PRORP: variants seen among roughly 807,000 people sequenced by gnomAD.
PRORP encodes protein only RNase P catalytic subunit.
A neutral mutation model predicts 59.4 loss-of-function variants in PRORP; 51 were observed. The ratio of observed to expected loss-of-function variants is 0.86; its 90% CI spans 0.69 to 1.08. PRORP has a LOEUF of 1.08. Among genes scored for constraint, PRORP ranks in the 50% least tolerant of loss-of-function variants. The probability of loss-of-function intolerance (pLI) is 0.00; values close to 1 mark genes in which losing one functional copy is unlikely to be tolerated. For missense variants in PRORP, 646 were observed against 690.3 expected, an observed-to-expected ratio of 0.94 and a Z score of 0.72; for synonymous variants, 231 against 245.6, an observed-to-expected ratio of 0.94 and a Z score of 0.55.
chr14:35,228,803 T>TG (rs1409340869), intron 5 of PRORP, among the ~76,000 whole-genome samples: 1 of 152,186 alleles, frequency 6.6e-6, no homozygotes. Context: ...AATGATTTTA[T>TG]TTTTAATATA....
chr14:35,126,396 A>T (rs1566441148), intron 2 of PRORP, among the ~76,000 whole-genome samples: 1 of 152,140 alleles, frequency 6.6e-6, no homozygotes, highest in African/African-American at 2.4e-5. Context: ...GAGGTAAATT[A>T]CTCTCGGCAG....
At chr14:35,157,194 A>G (rs543605127) in intron 4 of PRORP, among the ~76,000 whole-genome samples, 2 of 151,910 alleles carry the variant, frequency 1.3e-5, no homozygotes, top group South Asian at 4.2e-4. Flanking sequence ...TGACCTCGTG[A>G]TCCTCCCGCC....
At chr14:35,125,247 A>C (rs192078391) in intron 2 of PRORP, among the ~76,000 whole-genome samples, 1 of 152,306 alleles carries the variant, frequency 6.6e-6, no homozygotes, top group East Asian at 1.9e-4. Flanking sequence ...TAAGCATTAC[A>C]ATGGAAAATC....
intron 5 of PRORP, among the ~76,000 whole-genome samples, chr14:35,240,315 G>GTTTTTT (rs5807821): frequency 2.6e-4 from 33 of 129,144 alleles, no homozygotes; most frequent in Admixed American, 6.4e-4. Flanking sequence ...TTTTTTTTTG[G>GTTTTTT]TTTAAAATTT....
At chr14:35,170,378 C>T (rs183969245) in intron 4 of PRORP, among the ~76,000 whole-genome samples, 1 of 151,790 alleles carries the variant, frequency 6.6e-6, no homozygotes, top group African/African-American at 2.4e-5. Context: ...TTTATCTATA[C>T]CTTTTTGCTT....
intron 4 of PRORP, among the ~76,000 whole-genome samples, chr14:35,135,755 T>C (rs925604798): frequency 1.3e-5 from 2 of 151,996 alleles, no homozygotes; most frequent in African/African-American, 4.8e-5. Context: ...GTCAGGAGTT[T>C]GAGACCAGCC....
intron 5 of PRORP, among the ~76,000 whole-genome samples, chr14:35,253,805 A>G (rs1051495419): frequency 2.6e-5 from 4 of 151,802 alleles, no homozygotes; most frequent in African/African-American, 9.7e-5. Context: ...CTGGGTTTTC[A>G]TCTTTTTGGT....
intron 2 of PRORP, 47 bp from the exon 3 acceptor site, chr14:35,126,688 G>A (rs1398451700): frequency 7.1e-7 from 1 of 1,414,936 alleles, no homozygotes; most frequent in Admixed American, 1.9e-5. Flanking sequence ...TTTCATTTCA[G>A]TAGGAATCTA....
At position 35,127,507 on chromosome 14, in the gene PRORP, A is replaced by G. The variant is rs747397398; in HGVS notation, c.1063A>G (p.Ile355Val). The change falls in exon 4 of 8, where the codon ATA (isoleucine) becomes GTA (valine). Residue 355 changes from isoleucine (I) to valine (V), a missense_variant. Ile to Val is a conservative substitution (Grantham distance 29). Transcript: ENST00000534898. ...CCAGTGTTCGGGCTGTGGAAAAACC[A>G]TAGAGTCTATTCAGCTGAGTCCAGA... is the stretch of plus-strand genomic sequence containing the variant. The part of the protein sequence containing the change: ...SGQCSGCGKT[I>V]ESIQLSPEEY... 4 of 1,611,752 alleles carry G rather than the reference A, an allele frequency of 2.5e-6. No individual in the cohort carries two copies. The highest frequency in any genetic ancestry group is 3.4e-6 in the Non-Finnish European group (4 of 1,178,608).
intron 5 of PRORP, among the ~76,000 whole-genome samples, chr14:35,209,185 AG>A (rs1270336660): frequency 6.8e-6 from 1 of 147,024 alleles, no homozygotes; most frequent in Non-Finnish European, 1.5e-5. Context: ...AAAAAAAAAA[AG>A]TTATTAATGA....
intron 4 of PRORP, among the ~76,000 whole-genome samples, chr14:35,132,590 G>A (rs2047272654): frequency 6.6e-6 from 1 of 152,096 alleles, no homozygotes; most frequent in African/African-American, 2.4e-5. Flanking sequence ...TTTAAGACCA[G>A]CCTGGCCAAC....
intron 5 of PRORP, among the ~76,000 whole-genome samples, chr14:35,265,871 C>G (rs1365067892): frequency 2.0e-5 from 3 of 152,018 alleles, no homozygotes; most frequent in Non-Finnish European, 4.4e-5. Flanking sequence ...CCCTAGAGAG[C>G]ACAGTTTAAA....
chr14:35,247,726 TAA>T (rs1425328014), intron 5 of PRORP, among the ~76,000 whole-genome samples: 1 of 152,160 alleles, frequency 6.6e-6, no homozygotes, highest in Admixed American at 6.5e-5. Flanking sequence ...CATATCAAAA[TAA>T]GTTAGTTTAA....
chr14:35,227,312 C>G (rs1478010967), intron 5 of PRORP, among the ~76,000 whole-genome samples: 1 of 151,636 alleles, frequency 6.6e-6, no homozygotes, highest in African/African-American at 2.4e-5. Flanking sequence ...GGCGTGGTGG[C>G]AGGCGCCTGT....
intron 5 of PRORP, among the ~76,000 whole-genome samples, chr14:35,241,628 T>C (rs965316326): frequency 6.6e-6 from 1 of 152,174 alleles, no homozygotes; most frequent in Non-Finnish European, 1.5e-5. Context: ...GTCACTTTCC[T>C]GCTACTACCA....
intron 5 of PRORP, among the ~76,000 whole-genome samples, chr14:35,218,519 CTTTTTTTTT>C (rs1163711572): frequency 1.4e-5 from 1 of 70,692 alleles, no homozygotes. Flanking sequence ...ACTGATTGTA[CTTTTTTTTT>C]TTTTTTTTTT....
chr14:35,124,167 C>T lies in PRORP; in HGVS notation c.922C>T (p.Leu308=), dbSNP rs780044102. 4 of 1,603,086 alleles carry T rather than the reference C, an allele frequency of 2.5e-6. No individual in the cohort carries two copies. Among genetic ancestry groups the T allele is most frequent in the Non-Finnish European group, 3.4e-6 (4 of 1,175,024 alleles). The change falls in exon 2 of 8, where the codon CTA becomes TTA. Residue 308 remains leucine (L), a synonymous_variant. Transcript: ENST00000534898. ...SNKLLDILSY[L]RNNQLYPGES... is the part of the protein sequence containing the mutation. The stretch of plus-strand genomic sequence containing the variant: ...TAAACTACTAGATATTCTTTCATAT[C>T]TAAGAAATAATCAGCTGTATCCAGG...
At chr14:35,240,976 A>C (rs938989268) in intron 5 of PRORP, among the ~76,000 whole-genome samples, 1 of 152,242 alleles carries the variant, frequency 6.6e-6, no homozygotes, top group African/African-American at 2.4e-5. Flanking sequence ...AAACATGTAC[A>C]GACTTTTTTT....
rs1341970633 is a variant in PRORP, at chr14:35,276,968, G to T, written c.*3402G>T. ...ATAGGAAATTAATTTTTCTTCTCAA[G>T]TATGCACTTAAATATAATTACTGCT... On this transcript the variant is annotated 3_prime_UTR_variant, in exon 8 of 8. Transcript: ENST00000534898. 1 of 151,990 alleles carries T rather than the reference G, an allele frequency of 6.6e-6. No individual in the cohort carries two copies. The highest frequency in any genetic ancestry group is 1.9e-4 in the East Asian group (1 of 5,190). 9.4% of individuals were successfully genotyped at this position (151,990 alleles called of 1,614,324 possible). A position where few individuals can be genotyped will look rare whatever the true frequency, so the allele number is the denominator to read the frequency against.
Sources: allele counts gnomAD v4.1 joint callset (sites outside exome capture counted in the v4.1 genomes callset), GRCh38; gene constraint gnomAD v4.1.1; transcripts MANE v1.5; gene names NCBI Gene and HGNC (gene_info 2026-07-23, HGNC 2026-07-21).